The following CLVS1 variants were observed in gnomAD, a reference collection of about 807,000 sequenced individuals.
CLVS1 encodes the protein clavesin-1.
Under a neutral mutation model 33.1 loss-of-function variants are expected in CLVS1, and 10 were observed. That is an observed-to-expected ratio of 0.30 (90% confidence interval 0.19 to 0.51). The LOEUF is 0.51. CLVS1 is among the 20% of genes least tolerant of loss of function. The pLI is 0.97. For missense variants in CLVS1, 343 were observed against 433.4 expected, an observed-to-expected ratio of 0.79 and a Z score of 1.85; for synonymous variants, 163 against 166.1, an observed-to-expected ratio of 0.98 and a Z score of 0.14.
intron 2 of CLVS1, among the ~76,000 whole-genome samples, chr8:61,166,442 GTTAT>G (rs1210457750): frequency 6.6e-6 from 1 of 151,896 alleles, no homozygotes; most frequent in Non-Finnish European, 1.5e-5. Flanking sequence ...CCTGAAAGCC[GTTAT>G]TTATTTTGGT....
intron 2 of CLVS1, among the ~76,000 whole-genome samples, chr8:61,356,711 A>G (rs1812722600): frequency 1.3e-5 from 2 of 152,164 alleles, no homozygotes; most frequent in South Asian, 4.1e-4. Flanking sequence ...GTTTGTCAAA[A>G]GTCAGATAGT....
chr8:61,066,821 G>T (rs768842798), intron 1 of CLVS1, among the ~76,000 whole-genome samples: 33 of 152,232 alleles, frequency 2.2e-4, no homozygotes, highest in Non-Finnish European at 1.8e-4. Flanking sequence ...TCTGTGTGTT[G>T]TTCCTGCCAA....
chr8:61,147,450 C>T (rs1806443260), intron 2 of CLVS1, among the ~76,000 whole-genome samples: 1 of 152,084 alleles, frequency 6.6e-6, no homozygotes, highest in Admixed American at 6.5e-5. Flanking sequence ...TCATCTGAGC[C>T]ACAAAGACAT....
the CLVS1 span, among the ~76,000 whole-genome samples, chr8:60,995,921 C>A: frequency 4.6e-5 from 7 of 152,076 alleles, no homozygotes; most frequent in African/African-American, 1.7e-4. Flanking sequence ...AACAAAAAAC[C>A]AAACACCGCA....
At chr8:61,447,133 C>T (rs1204127179) in intron 3 of CLVS1, among the ~76,000 whole-genome samples, 2 of 151,962 alleles carry the variant, frequency 1.3e-5, no homozygotes, top group Non-Finnish European at 2.9e-5. Flanking sequence ...CTTCTATATC[C>T]TTGCTGATTT....
At chr8:60,971,934 CA>C in the CLVS1 span, among the ~76,000 whole-genome samples, 1 of 152,128 alleles carries the variant, frequency 6.6e-6, no homozygotes, top group Non-Finnish European at 1.5e-5. Context: ...CAAACTACCC[CA>C]AAACATTATG....
At chr8:61,420,919 C>T (rs972912673) in intron 3 of CLVS1, among the ~76,000 whole-genome samples, 5 of 151,894 alleles carry the variant, frequency 3.3e-5, no homozygotes, top group Non-Finnish European at 5.9e-5. Context: ...TGCAGTGAGC[C>T]GAGATCGCAC....
chr8:61,275,101 G>C (rs1347947925), intron 2 of CLVS1, among the ~76,000 whole-genome samples: 1 of 152,144 alleles, frequency 6.6e-6, no homozygotes, highest in African/African-American at 2.4e-5. Context: ...TAATTGGAGT[G>C]GAAGAAAAAT....
intron 1 of CLVS1, among the ~76,000 whole-genome samples, chr8:61,126,425 G>A (rs1319876191): frequency 6.6e-6 from 1 of 152,146 alleles, no homozygotes; most frequent in Non-Finnish European, 1.5e-5. Context: ...TTAGCATCTT[G>A]CCTGGCACGT....
chr8:61,100,440 T>C (rs1805428051), intron 1 of CLVS1, among the ~76,000 whole-genome samples: 1 of 152,218 alleles, frequency 6.6e-6, no homozygotes, highest in Non-Finnish European at 1.5e-5. Context: ...TCTTTGAAGC[T>C]TCTTTGTCTT....
At chr8:61,012,041 G>A in the CLVS1 span, among the ~76,000 whole-genome samples, 3 of 152,342 alleles carry the variant, frequency 2.0e-5, no homozygotes, top group East Asian at 1.9e-4. Flanking sequence ...GGGAGACAGC[G>A]CTAGGGCAGA....
chr8:61,234,772 G>C (rs933479215), intron 2 of CLVS1, among the ~76,000 whole-genome samples: 1 of 152,136 alleles, frequency 6.6e-6, no homozygotes, highest in Non-Finnish European at 1.5e-5. Context: ...TCCCAGCCTA[G>C]CAGATATGGA....
At chr8:61,048,796 G>A in the CLVS1 span, among the ~76,000 whole-genome samples, 1 of 151,980 alleles carries the variant, frequency 6.6e-6, no homozygotes, top group African/African-American at 2.4e-5. Flanking sequence ...GCCTTGCCCT[G>A]CTCTCTCCCC....
chr8:61,397,536 A>G (rs549000562), intron 3 of CLVS1, among the ~76,000 whole-genome samples: 4 of 152,234 alleles, frequency 2.6e-5, no homozygotes, highest in Admixed American at 1.3e-4. Flanking sequence ...ATGAAGTTCA[A>G]TTTATGTATT....
chr8:61,162,355 G>A (rs1337027160), intron 2 of CLVS1, among the ~76,000 whole-genome samples: 1 of 152,200 alleles, frequency 6.6e-6, no homozygotes, highest in Non-Finnish European at 1.5e-5. Context: ...TAGCAGACAT[G>A]AACCTTCAGG....
chr8:61,239,456 G>A (rs1808646448), intron 2 of CLVS1, among the ~76,000 whole-genome samples: 1 of 152,092 alleles, frequency 6.6e-6, no homozygotes, highest in Non-Finnish European at 1.5e-5. Context: ...TTTTTAACCA[G>A]GTGTGGTGGC....
chr8:61,111,099 T>C (rs560249450), intron 1 of CLVS1, among the ~76,000 whole-genome samples: 1 of 152,336 alleles, frequency 6.6e-6, no homozygotes, highest in East Asian at 1.9e-4. Flanking sequence ...TTTAATTTTT[T>C]GAGGAACCTT....
At chr8:61,483,086 A>G (rs1479078918) in intron 5 of CLVS1, among the ~76,000 whole-genome samples, 2 of 152,252 alleles carry the variant, frequency 1.3e-5, no homozygotes, top group Non-Finnish European at 2.9e-5. Context: ...AGAAATAACT[A>G]AGATCAGAGC....
intron 1 of CLVS1, among the ~76,000 whole-genome samples, chr8:61,130,936 C>T (rs1237491349): frequency 6.6e-6 from 1 of 152,238 alleles, no homozygotes; most frequent in Non-Finnish European, 1.5e-5. Context: ...TATCACTAAT[C>T]ATTCATACAG....
Sources: gnomAD v4.1 joint callset for allele counts (sites outside exome capture counted in the v4.1 genomes callset) on GRCh38, gnomAD v4.1.1 for gene constraint, MANE v1.5 for transcripts, NCBI Gene and HGNC (gene_info 2026-07-23, HGNC 2026-07-21) for gene names.